The following NBPF20 variants were observed in gnomAD, a reference collection of about 807,000 sequenced individuals.
The protein encoded by NBPF20 is NBPF member 20, also known as NBPF family member NBPF20.
A neutral mutation model predicts 68.1 loss-of-function variants in NBPF20; 90 were observed. That is an observed-to-expected ratio of 1.32 (90% CI 1.11 to 1.58). The LOEUF (loss-of-function observed/expected upper bound fraction) is 1.58. Ranked by LOEUF, NBPF20 falls within the 40% of genes most tolerant of loss-of-function variation. The probability of loss-of-function intolerance (pLI) is 0.00; values close to 1 mark genes in which losing one functional copy is unlikely to be tolerated. For synonymous variants in NBPF20, 290 were observed against 228.1 expected (o/e 1.27, Z -2.45); for missense variants, 816 against 601.2 (o/e 1.36, Z -3.74).
exon 1 of NBPF20, chr1:145,405,556 G>C (rs1381171147): frequency 3.6e-5 from 38 of 1,041,308 alleles, no homozygotes; most frequent in African/African-American, 7.2e-5. Flanking sequence ...CAGCGTGCCA[G>C]GTAACCGTCT....
upstream of NBPF20, among the ~76,000 whole-genome samples, chr1:145,406,089 T>G (rs1662768392): frequency 6.9e-6 from 1 of 145,180 alleles, no homozygotes; most frequent in African/African-American, 2.5e-5. Context: ...CGGCTAATTT[T>G]TTTTTTTTTT....
intron 2 of NBPF20, among the ~76,000 whole-genome samples, chr1:145,403,958 G>T (rs1490270914): frequency 6.8e-6 from 1 of 147,182 alleles, no homozygotes; most frequent in Non-Finnish European, 1.5e-5. Flanking sequence ...GCCAATAAAT[G>T]TTCTAGGAGA....
chr1:145,291,817 C>G, intron 137 of NBPF20, 48 bp from the exon 143 acceptor site: 1 of 1,611,708 alleles, frequency 6.2e-7, no homozygotes, highest in South Asian at 1.1e-5. Flanking sequence ...AAATCAGAAA[C>G]CACAGAGCCC....
chr1:145,404,258 TCTTTTTG>T (rs1662662606), intron 2 of NBPF20, among the ~76,000 whole-genome samples: 2 of 119,178 alleles, frequency 1.7e-5, no homozygotes, highest in African/African-American at 6.9e-5. Context: ...GATTTATTTA[TCTTTTTG>T]TTTGTTTGTT....
At chr1:145,412,198 T>A in the NBPF20 span, among the ~76,000 whole-genome samples, 3 of 151,812 alleles carry the variant, frequency 2.0e-5, no homozygotes, top group Non-Finnish European at 4.4e-5. Flanking sequence ...AGGTACTGAA[T>A]TACCTCCAAA....
At chr1:145,291,530 T>A in exon 138 of NBPF20, 3 of 1,611,898 alleles carry the variant, frequency 1.9e-6, no homozygotes, top group Non-Finnish European at 2.5e-6. Flanking sequence ...GGCTGTTTAT[T>A]GTGGGAATAT....
At chr1:145,417,654 C>G in the NBPF20 span, among the ~76,000 whole-genome samples, 7,925 of 137,334 alleles carry the variant, frequency 0.058, 388 homozygotes, top group African/African-American at 0.17. Context: ...TGAAAGATCT[C>G]AACACCTCAT....
intron 2 of NBPF20, among the ~76,000 whole-genome samples, chr1:145,404,661 G>T (rs1662684772): frequency 1.3e-5 from 2 of 152,168 alleles, no homozygotes; most frequent in South Asian, 4.1e-4. Flanking sequence ...CTATCACCAA[G>T]TTTCCCTCAG....
Position 145,397,900 on chromosome 1 carries a change from C to A in NBPF20, c.827+1149G>T, listed in dbSNP as rs1219019433. 3.9e-5 allele frequency among the ~76,000 whole-genome samples: 6 copies of A among 152,050 alleles called. No homozygotes were observed. In the East Asian group the frequency reaches 1.2e-3, roughly 29 times the overall value. On this transcript the variant is annotated intron_variant, in intron 7 of 137. Coordinates refer to ENST00000369373, the Ensembl canonical transcript of NBPF20. ...AAGGGATGGAGGAAGATCTACCAAG[C>A]AAATGGAAAACAAAAAAAGGCAGGG...
chr1:145,400,261 C>A (rs1459029970), intron 6 of NBPF20, 128 bp downstream of exon 11: 33 of 1,585,266 alleles, frequency 2.1e-5, no homozygotes, highest in Non-Finnish European at 2.8e-5. Flanking sequence ...AAAAAAAGTC[C>A]CTGATATCTG....
At chr1:145,412,576 C>T in the NBPF20 span, among the ~76,000 whole-genome samples, 5 of 151,876 alleles carry the variant, frequency 3.3e-5, no homozygotes, top group South Asian at 1.0e-3. Flanking sequence ...AAATTATTAT[C>T]TAAAGAATGT....
At chr1:145,402,411 A>G in intron 3 of NBPF20, 30 bp from the exon 9 acceptor site, 3 of 1,605,176 alleles carry the variant, frequency 1.9e-6, no homozygotes, top group African/African-American at 1.3e-5. Flanking sequence ...AAAATTTAAG[A>G]GTGGAAAGGT....
Position 145,393,868 on chromosome 1 carries a change from A to G in NBPF20, c.1043+16T>C, listed in dbSNP as rs1209444108. 1 of 1,544,808 alleles carries G rather than the reference A, an allele frequency of 6.5e-7. No homozygotes were observed. The highest frequency in any genetic ancestry group is 8.8e-7 in the Non-Finnish European group (1 of 1,130,014). On this transcript the variant is annotated intron_variant, in intron 9 of 137. Coordinates refer to ENST00000369373, the Ensembl canonical transcript of NBPF20. The stretch of plus-strand genomic sequence containing the variant: ...TGTCAACATCAAATTAACTCTCCAC[A>G]ATTTCTCAGACTCACCTGGGACCTG...
At chr1:145,407,520 C>A (rs1662852983), upstream of NBPF20, among the ~76,000 whole-genome samples, 1 of 145,552 alleles carries the variant, frequency 6.9e-6, no homozygotes, top group Admixed American at 6.9e-5. Flanking sequence ...CGTGTATATA[C>A]ATACGTGTAT....
At chr1:145,403,877 C>G (rs1185346164) in intron 2 of NBPF20, among the ~76,000 whole-genome samples, 10 of 151,626 alleles carry the variant, frequency 6.6e-5, no homozygotes, top group Admixed American at 5.9e-4. Flanking sequence ...GAAATATGCC[C>G]AAATGTTAAT....
At chr1:145,372,437 C>T (rs1661768060) in intron 36 of NBPF20, 75 bp downstream of exon 41, 2 of 294,462 alleles carry the variant, frequency 6.8e-6, no homozygotes, top group East Asian at 2.1e-4. Context: ...TCAGTAAGGG[C>T]CACTTGGAAC....
chr1:145,311,830 T>G (rs1661490494), intron 112 of NBPF20, among the ~76,000 whole-genome samples: 1 of 103,378 alleles, frequency 9.7e-6, no homozygotes, highest in East Asian at 2.5e-4. Flanking sequence ...CCCTGTCTCA[T>G]CAAATACTCA....
the NBPF20 span, among the ~76,000 whole-genome samples, chr1:145,424,966 C>T: frequency 6.6e-6 from 1 of 152,200 alleles, no homozygotes; most frequent in Non-Finnish European, 1.5e-5. Context: ...CCCAGGGGCG[C>T]GAGTGGTCTC....
intron 6 of NBPF20, 65 bp downstream of exon 11, chr1:145,400,324 T>C (rs1412895466): frequency 1.1e-5 from 17 of 1,603,452 alleles, no homozygotes; most frequent in Non-Finnish European, 1.4e-5. Context: ...TTATAGAGCC[T>C]GTCTTCAGAG....
Sources: gnomAD v4.1 joint callset for allele counts (sites outside exome capture counted in the v4.1 genomes callset) on GRCh38, gnomAD v4.1.1 for gene constraint, MANE v1.5 for transcripts, NCBI Gene and HGNC (gene_info 2026-07-23, HGNC 2026-07-21) for gene names.